SLIT1: variants seen among roughly 807,000 people sequenced by gnomAD.
SLIT1 encodes slit guidance ligand 1.
SLIT1 carries 66 observed loss-of-function variants against 186.1 expected under a neutral mutation model. That is an observed-to-expected ratio of 0.35 (90% CI 0.29 to 0.44). SLIT1 has a LOEUF of 0.44. Ranked by LOEUF, SLIT1 falls within the 20% of genes least tolerant of loss-of-function variation. The probability of loss-of-function intolerance (pLI) is 1.00; values close to 1 mark genes in which losing one functional copy is unlikely to be tolerated. For synonymous variants in SLIT1, 761 were observed against 833.8 expected, an observed-to-expected ratio of 0.91 and a Z score of 1.50; for missense variants, 1,638 against 2,037.4, an observed-to-expected ratio of 0.80 and a Z score of 3.77.
intron 4 of SLIT1, among the ~76,000 whole-genome samples, chr10:97,079,853 C>T (rs149582091): frequency 2.3e-3 from 343 of 152,246 alleles, no homozygotes; most frequent in African/African-American, 7.7e-3. Flanking sequence ...GGCACAGCAC[C>T]CTGCTCTGGG....
At position 97,004,356 on chromosome 10, in the gene SLIT1, T is replaced by A; in HGVS notation, c.3711-134A>T. On this transcript the variant is annotated intron_variant, in intron 33 of 36. Coordinates refer to ENST00000266058, the MANE Select transcript of SLIT1 (RefSeq NM_003061.3). This position sits in a 1 kb window ranked among gnomAD's most constrained non-coding sequence, Gnocchi z 5.1. Reference sequence around the variant, plus strand: ...ATCTAAGGAAAAGGACTGTGGGGGCTCAAGGGTCTATCGCATGATCCCTTT... The same window carrying A: ...ATCTAAGGAAAAGGACTGTGGGGGCACAAGGGTCTATCGCATGATCCCTTT... The A allele has an allele frequency of 1.1e-6, 1 of 889,576 alleles. No homozygotes were observed. The highest frequency in any genetic ancestry group is 1.7e-6 in the Non-Finnish European group (1 of 575,556). 55.1% of individuals were successfully genotyped at this position (889,576 alleles called of 1,614,324 possible). A position where few individuals can be genotyped will look rare whatever the true frequency, so the allele number is the denominator to read the frequency against.
intron 4 of SLIT1, among the ~76,000 whole-genome samples, chr10:97,107,670 C>G (rs188756977): frequency 1.3e-5 from 2 of 152,178 alleles, no homozygotes; most frequent in African/African-American, 4.8e-5. Context: ...CCCAAAGGTC[C>G]GGCTGGGAAA....
chr10:97,117,777 C>T (rs967818418), intron 4 of SLIT1, among the ~76,000 whole-genome samples: 1 of 152,166 alleles, frequency 6.6e-6, no homozygotes, highest in African/African-American at 2.4e-5. Context: ...AACTCATTTC[C>T]GAGTTACAAC....
At chr10:97,113,204 A>C (rs1849480163) in intron 4 of SLIT1, among the ~76,000 whole-genome samples, 1 of 152,180 alleles carries the variant, frequency 6.6e-6, no homozygotes, top group Non-Finnish European at 1.5e-5. Context: ...AGGATTTTCC[A>C]TCTGAATCAG....
At chr10:97,172,007 A>G (rs912288586) in intron 1 of SLIT1, among the ~76,000 whole-genome samples, 1 of 149,484 alleles carries the variant, frequency 6.7e-6, no homozygotes, top group Non-Finnish European at 1.5e-5. Context: ...GAGCGCCCCA[A>G]CCCTCTCCTC....
intron 18 of SLIT1, among the ~76,000 whole-genome samples, chr10:97,046,026 C>T (rs562351314): frequency 8.3e-4 from 127 of 152,320 alleles, no homozygotes; most frequent in South Asian, 3.7e-3. Context: ...GTCTGGACAG[C>T]GTAGACTTGA....
rs762400132 is a variant in SLIT1 at position 97,184,624 on chromosome 10, G to C, written c.197+854C>G. ...ACATTCTACTAGCTTACTGGGTCTAGAAAAGAAAAGGATCAAGTTTCCTCA... is the reference window on the plus strand; with the variant it reads ...ACATTCTACTAGCTTACTGGGTCTACAAAAGAAAAGGATCAAGTTTCCTCA... On this transcript the variant is annotated intron_variant, in intron 1 of 36. Coordinates refer to ENST00000266058, the MANE Select transcript of SLIT1 (RefSeq NM_003061.3). This position sits in a 1 kb window ranked among gnomAD's most constrained non-coding sequence, Gnocchi z 4.4. 8.5e-5 allele frequency among the ~76,000 whole-genome samples: 13 copies of C among 152,138 alleles called. No individual in the cohort carries two copies. Among genetic ancestry groups the C allele is most frequent in the Non-Finnish European group, 1.8e-4 (12 of 68,026 alleles).
chr10:97,109,875 C>T (rs541779392), intron 4 of SLIT1, among the ~76,000 whole-genome samples: 47 of 152,274 alleles, frequency 3.1e-4, no homozygotes, highest in Admixed American at 7.2e-4. Context: ...CCTCCTGGCT[C>T]TTCTCTTGCA....
intron 9 of SLIT1, 109 bp from the exon 10 acceptor site, chr10:97,060,267 T>C (rs1848880107): frequency 1.0e-5 from 9 of 886,836 alleles, no homozygotes; most frequent in Admixed American, 1.9e-5. Flanking sequence ...CTCTTGCCCC[T>C]GCTCCCTTCC....
At chr10:97,146,891 G>A (rs1849824078) in intron 4 of SLIT1, among the ~76,000 whole-genome samples, 1 of 152,182 alleles carries the variant, frequency 6.6e-6, no homozygotes, top group South Asian at 2.1e-4. Context: ...ACTCCTGCCT[G>A]AGCCTCTGTC....
intron 25 of SLIT1, among the ~76,000 whole-genome samples, chr10:97,026,361 G>A (rs1346974373): frequency 6.6e-6 from 1 of 152,036 alleles, no homozygotes; most frequent in South Asian, 2.1e-4. Context: ...CTACTCAGGA[G>A]GCTGAGGCAG....
At chr10:97,111,947 T>C (rs1841923060) in intron 4 of SLIT1, among the ~76,000 whole-genome samples, 1 of 152,224 alleles carries the variant, frequency 6.6e-6, no homozygotes, top group African/African-American at 2.4e-5. Context: ...TCCCCATCAC[T>C]TTCAGGATTA....
chr10:97,101,660 C>G (rs1436430472), intron 4 of SLIT1, among the ~76,000 whole-genome samples: 2 of 152,212 alleles, frequency 1.3e-5, no homozygotes, highest in Non-Finnish European at 2.9e-5. Context: ...GATAGCTGTG[C>G]CAGGGAGGAT....
chr10:97,129,583 G>A (rs936385054), intron 4 of SLIT1, among the ~76,000 whole-genome samples: 1 of 152,136 alleles, frequency 6.6e-6, no homozygotes, highest in Non-Finnish European at 1.5e-5. Flanking sequence ...CGAAACTGCA[G>A]AATGGCCTGA....
intron 25 of SLIT1, among the ~76,000 whole-genome samples, chr10:97,023,963 G>A (rs1848523324): frequency 6.6e-6 from 1 of 151,938 alleles, no homozygotes; most frequent in South Asian, 2.1e-4. Flanking sequence ...AGAAAAGAGA[G>A]AGAGAGGAAG....
In SLIT1 at chr10:97,014,164, C is replaced by T. The variant is rs756743509; in HGVS notation, c.2970-6G>A. On this transcript the variant is annotated splice_region_variant and splice_polypyrimidine_tract_variant and intron_variant, in intron 28 of 36. Transcript: ENST00000266058. ...AGCCGGTGGGACAGGAGCACCTGTG[C>T]GGGGAAGGGGAGGATGGAGAGACAG... The T allele has an allele frequency of 4.5e-5, 72 of 1,612,854 alleles. No individual in the cohort carries two copies. Among genetic ancestry groups the T allele is most frequent in the Admixed American group, 3.5e-4 (21 of 60,004 alleles).
At chr10:97,009,126 C>G (rs553279795) in intron 31 of SLIT1, among the ~76,000 whole-genome samples, 25 of 152,232 alleles carry the variant, frequency 1.6e-4, no homozygotes, top group Non-Finnish European at 2.4e-4. Context: ...ATCCGCCTGC[C>G]TCGGCCTCCC....
At chr10:97,078,398 C>T (rs1358965680) in intron 4 of SLIT1, among the ~76,000 whole-genome samples, 1 of 152,142 alleles carries the variant, frequency 6.6e-6, no homozygotes, top group Non-Finnish European at 1.5e-5. Flanking sequence ...TTGCAGAAAC[C>T]TCATCAGGCA....
chr10:97,140,905 G>C (rs1849750887), intron 4 of SLIT1, among the ~76,000 whole-genome samples: 1 of 152,132 alleles, frequency 6.6e-6, no homozygotes. Flanking sequence ...ACAGCTCACT[G>C]GAACCACTTT....
Sources: allele counts gnomAD v4.1 joint callset (sites outside exome capture counted in the v4.1 genomes callset), GRCh38; gene constraint gnomAD v4.1.1; non-coding constraint Gnocchi (gnomAD v3.1); transcripts MANE v1.5; gene names NCBI Gene and HGNC (gene_info 2026-07-23, HGNC 2026-07-21).